Variants in XKR9 observed in about 807,000 individuals in gnomAD.
XKR9 encodes XK-related protein 9.
A neutral mutation model predicts 32.0 loss-of-function variants in XKR9; 32 were observed. The ratio of observed to expected loss-of-function variants is 1.00; its 90% confidence interval spans 0.76 to 1.34. The LOEUF (loss-of-function observed/expected upper bound fraction) is 1.34, where lower values mean the gene tolerates loss of function less well. XKR9 is among the 40% of genes most tolerant of loss of function. The pLI is 0.00. For synonymous variants in XKR9, 168 were observed against 143.4 expected (o/e 1.17, Z -1.22); for missense variants, 546 against 429.7 (o/e 1.27, Z -2.39).
the XKR9 span, among the ~76,000 whole-genome samples, chr8:71,004,777 G>A: frequency 6.6e-6 from 1 of 152,114 alleles, no homozygotes; most frequent in Non-Finnish European, 1.5e-5. Context: ...AATACTTACT[G>A]GGTGGGGAAA....
chr8:70,835,345 T>C, the XKR9 span, among the ~76,000 whole-genome samples: 1 of 152,136 alleles, frequency 6.6e-6, no homozygotes, highest in African/African-American at 2.4e-5. Flanking sequence ...CGTTTTAAAT[T>C]GGTTATTTGG....
At chr8:71,033,982 C>T in the XKR9 span, among the ~76,000 whole-genome samples, 9 of 152,212 alleles carry the variant, frequency 5.9e-5, no homozygotes, top group Non-Finnish European at 2.9e-5. Flanking sequence ...CACAATGTTA[C>T]CTTGCCACTC....
chr8:71,059,858 G>C, the XKR9 span, among the ~76,000 whole-genome samples: 2 of 152,314 alleles, frequency 1.3e-5, no homozygotes, highest in South Asian at 4.1e-4. Context: ...TTTGGGAAGA[G>C]AGAGTCCCAA....
chr8:70,777,952 G>A (rs955528204), intron 2 of XKR9, among the ~76,000 whole-genome samples: 1 of 152,090 alleles, frequency 6.6e-6, no homozygotes, highest in Admixed American at 6.6e-5. Context: ...AAGCTCTTTA[G>A]TTAAATTAGA....
At chr8:70,789,665 C>G (rs960486904) in intron 3 of XKR9, among the ~76,000 whole-genome samples, 1 of 151,972 alleles carries the variant, frequency 6.6e-6, no homozygotes, top group Admixed American at 6.6e-5. Flanking sequence ...AAATCTCAGA[C>G]TCATCTCATC....
intron 2 of XKR9, among the ~76,000 whole-genome samples, chr8:70,755,376 A>C (rs1248670379): frequency 1.3e-5 from 2 of 152,216 alleles, no homozygotes; most frequent in Non-Finnish European, 2.9e-5. Context: ...CTAGAACTAG[A>C]AATACCATTT....
At chr8:70,848,412 CA>C in the XKR9 span, among the ~76,000 whole-genome samples, 18 of 151,790 alleles carry the variant, frequency 1.2e-4, no homozygotes, top group Admixed American at 1.2e-3. Context: ...ACACCACTTT[CA>C]TTTAACATAA....
At chr8:70,923,542 T>C in the XKR9 span, among the ~76,000 whole-genome samples, 20 of 152,378 alleles carry the variant, frequency 1.3e-4, no homozygotes, top group Non-Finnish European at 2.2e-4. Context: ...TCCCAGGTTC[T>C]GAGAGTTGCC....
the XKR9 span, among the ~76,000 whole-genome samples, chr8:70,816,656 A>AC: frequency 6.6e-6 from 1 of 152,176 alleles, no homozygotes; most frequent in African/African-American, 2.4e-5. Context: ...TACAAAGTGA[A>AC]CCCTATTAGG....
At chr8:70,887,604 G>C in the XKR9 span, among the ~76,000 whole-genome samples, 1 of 152,060 alleles carries the variant, frequency 6.6e-6, no homozygotes, top group Non-Finnish European at 1.5e-5. Context: ...ATTTCGTTGA[G>C]CAGTGGTTTG....
chr8:70,767,497 T>C (rs1807394138), intron 2 of XKR9, among the ~76,000 whole-genome samples: 1 of 19,766 alleles, frequency 5.1e-5, no homozygotes, highest in African/African-American at 2.7e-4. Context: ...CTTTTCCTTC[T>C]TTTTTTTTTT....
the XKR9 span, among the ~76,000 whole-genome samples, chr8:70,836,574 A>T: frequency 2.7e-5 from 2 of 73,144 alleles, no homozygotes; most frequent in Admixed American, 1.3e-4. Context: ...GAATGGATTT[A>T]AAAAAATGAT....
At chr8:70,956,502 C>T in the XKR9 span, among the ~76,000 whole-genome samples, 530 of 152,262 alleles carry the variant, frequency 3.5e-3, 3 homozygotes, top group South Asian at 0.016. Context: ...CTGGCAGCCC[C>T]GCTCCCATAC....
chr8:71,059,057 T>C, the XKR9 span, among the ~76,000 whole-genome samples: 4 of 152,262 alleles, frequency 2.6e-5, no homozygotes, highest in Non-Finnish European at 4.4e-5. Context: ...CAACTGTATT[T>C]TGCCTTTCCT....
chr8:70,722,541 C>T (rs965689872), intron 4 of XKR9, among the ~76,000 whole-genome samples: 9 of 152,132 alleles, frequency 5.9e-5, no homozygotes, highest in African/African-American at 2.2e-4. Context: ...AATTTTATTT[C>T]TCCTTTACTT....
At chr8:70,900,054 C>T in the XKR9 span, among the ~76,000 whole-genome samples, 1 of 151,946 alleles carries the variant, frequency 6.6e-6, no homozygotes, top group Non-Finnish European at 1.5e-5. Context: ...TGACTGGATG[C>T]CTAAAAATGT....
rs927388588 is a variant in XKR9, at chr8:70,680,837, A to G, written c.-222A>G. 4 of 365,918 alleles carry G rather than the reference A, an allele frequency of 1.1e-5. No individual in the cohort carries two copies. Among genetic ancestry groups the G allele is most frequent in the African/African-American group, 2.1e-5 (1 of 48,534 alleles). The allele number at this position is 365,918 out of a possible 1,614,324, so 22.7% of individuals were successfully genotyped here. On this transcript the variant is annotated 5_prime_UTR_variant, in exon 3 of 5. Transcript: ENST00000408926. The stretch of plus-strand genomic sequence containing the variant: ...AACAGAAGATTGATTAAAGCCTTGT[A>G]ACATTGGACCTAGATTAGAGATTTA...
chr8:70,900,266 C>T, the XKR9 span, among the ~76,000 whole-genome samples: 8 of 152,070 alleles, frequency 5.3e-5, 1 homozygote, highest in Admixed American at 2.6e-4. Flanking sequence ...ATTCTTTACC[C>T]CTGGCAGCCA....
the XKR9 span, among the ~76,000 whole-genome samples, chr8:71,063,535 A>G: frequency 4.3e-4 from 66 of 152,220 alleles, no homozygotes; most frequent in Non-Finnish European, 6.5e-4. Context: ...TCTTGGGGAA[A>G]AAAATTCAGA....
Sources: gnomAD v4.1 joint callset for allele counts (sites outside exome capture counted in the v4.1 genomes callset) on GRCh38, gnomAD v4.1.1 for gene constraint, MANE v1.5 for transcripts, NCBI Gene and HGNC (gene_info 2026-07-23, HGNC 2026-07-21) for gene names.